Variants in EIF3J observed in about 807,000 individuals in gnomAD.
The protein encoded by EIF3J is eukaryotic translation initiation factor 3 subunit J.
In EIF3J, 15 loss-of-function variants were observed where a neutral mutation model predicts 39.0. The observed-to-expected ratio is 0.38, with a 90% CI of 0.26 to 0.59. The LOEUF (loss-of-function observed/expected upper bound fraction) is 0.59, where lower values mean the gene tolerates loss of function less well. EIF3J is among the 20% of genes least tolerant of loss of function. The pLI, the probability that EIF3J is intolerant of heterozygous loss-of-function variation, is 0.60. For missense variants in EIF3J, 226 were observed against 308.6 expected (o/e 0.73, Z 2.00); for synonymous variants, 98 against 112.9 (o/e 0.87, Z 0.84).
rs77203869 is a variant in EIF3J, at chr15:44,556,231, A to G, written c.410-1258A>G. Among the ~76,000 whole-genome samples, 897 of 152,274 alleles carry G rather than the reference A, an allele frequency of 5.9e-3. 24 individuals are homozygous for G. In the East Asian group the frequency reaches 0.087, roughly 15 times the overall value. The stretch of plus-strand genomic sequence containing the variant: ...CCGCTTAGCTTCTGGAGTTAGACAA[A>G]TACTTTCACAGGATCCATCTTTGTT... On this transcript the variant is annotated intron_variant, in intron 5 of 7. Transcript: ENST00000261868.
At chr15:44,539,098 C>T (rs564020822) in intron 2 of EIF3J, among the ~76,000 whole-genome samples, 34 of 148,102 alleles carry the variant, frequency 2.3e-4, no homozygotes, top group African/African-American at 8.5e-4. Flanking sequence ...GCGATCTTGG[C>T]TCACTGCAAC....
intron 2 of EIF3J, among the ~76,000 whole-genome samples, chr15:44,549,783 A>C (rs1489037628): frequency 1.3e-5 from 2 of 150,186 alleles, no homozygotes; most frequent in Admixed American, 6.6e-5. Context: ...AAAAAAAAAA[A>C]AAAAAAACCA....
chr15:44,552,044 A>G (rs2082103243), intron 4 of EIF3J, among the ~76,000 whole-genome samples: 1 of 151,970 alleles, frequency 6.6e-6, no homozygotes, highest in Admixed American at 6.6e-5. Context: ...GATGGTCTCA[A>G]TCTCCTGACC....
chr15:44,554,194 T>C (rs2082125018), intron 4 of EIF3J, among the ~76,000 whole-genome samples: 1 of 151,956 alleles, frequency 6.6e-6, no homozygotes, highest in South Asian at 2.1e-4. Flanking sequence ...CTGGCCAACA[T>C]GGTGAAACCC....
Position 44,561,005 on chromosome 15 carries a change from CTT to C in EIF3J, c.646-11_646-10del, listed in dbSNP as rs2082189324. 1.2e-6 allele frequency: 2 copies of C among 1,612,316 alleles called. No individual in the cohort carries two copies. The highest frequency in any genetic ancestry group is 2.2e-5 in the South Asian group (2 of 91,006). ...ACACTAAGGTTCATGAATTAACTCT[CTT>C]TCATCTTTAGCAAAGCAAAGCCAAA... On this transcript the variant is annotated splice_polypyrimidine_tract_variant and intron_variant, in intron 7 of 7. Coordinates refer to ENST00000261868, the MANE Select transcript of EIF3J (RefSeq NM_003758.4).
At chr15:44,555,038 G>A (rs2082133006) in intron 5 of EIF3J, among the ~76,000 whole-genome samples, 1 of 152,144 alleles carries the variant, frequency 6.6e-6, no homozygotes, top group Non-Finnish European at 1.5e-5. Flanking sequence ...TTAGACAGTA[G>A]GATGTTGCTC....
chr15:44,540,020 A>G (rs1008697872), intron 2 of EIF3J, among the ~76,000 whole-genome samples: 2 of 147,910 alleles, frequency 1.4e-5, no homozygotes, highest in African/African-American at 4.9e-5. Flanking sequence ...GCTCACTGCA[A>G]CCTCCGCCTC....
At chr15:44,554,456 G>T (rs1313773961) in intron 4 of EIF3J, 97 bp from the exon 5 acceptor site, 284 of 337,968 alleles carry the variant, frequency 8.4e-4, no homozygotes, top group East Asian at 2.1e-3. Flanking sequence ...ACTTTTATTT[G>T]TTATTATATA....
intron 6 of EIF3J, among the ~76,000 whole-genome samples, chr15:44,558,347 T>A (rs1194958888): frequency 6.6e-6 from 1 of 152,156 alleles, no homozygotes; most frequent in Admixed American, 6.5e-5. Flanking sequence ...CTCATGCCTG[T>A]AATCCCAGCA....
rs577533630 is a variant in EIF3J, at chr15:44,562,127, T to C, written c.*978T>C. ...TCCCAAGAGATACTTTTTGAGAGTA[T>C]AGAACACAGCTCTTGGGAGTACAGT... is the stretch of plus-strand genomic sequence containing the variant. On this transcript the variant is annotated 3_prime_UTR_variant, in exon 8 of 8. Transcript: ENST00000261868. The C allele has an allele frequency of 2.6e-5, 4 of 152,766 alleles. No homozygotes were observed. In the South Asian group the frequency reaches 6.2e-4, roughly 24 times the overall value. The allele number at this position is 152,766 out of a possible 1,614,324, so 9.5% of individuals were successfully genotyped here. A position where few individuals can be genotyped will look rare whatever the true frequency, so the allele number is the denominator to read the frequency against.
At chr15:44,558,436 G>A (rs2082162845) in intron 6 of EIF3J, among the ~76,000 whole-genome samples, 1 of 151,972 alleles carries the variant, frequency 6.6e-6, no homozygotes, top group Non-Finnish European at 1.5e-5. Context: ...AGCTGAGGCA[G>A]GAGAATGGCA....
chr15:44,546,249 G>A (rs576788796), intron 2 of EIF3J, among the ~76,000 whole-genome samples: 1 of 152,240 alleles, frequency 6.6e-6, no homozygotes, highest in East Asian at 1.9e-4. Context: ...ATAATGACTA[G>A]CTGGTTTGCT....
chr15:44,538,838 A>G (rs539032679), intron 2 of EIF3J, among the ~76,000 whole-genome samples: 3 of 152,274 alleles, frequency 2.0e-5, no homozygotes, highest in East Asian at 3.9e-4. Context: ...CCATGCATAT[A>G]GGAAGTGGCA....
chr15:44,561,106 G>C lies in EIF3J; in HGVS notation c.734G>C (p.Gly245Ala), dbSNP rs780107725. The change falls in exon 8 of 8, where the codon GGT (glycine) becomes GCT (alanine). Residue 245 changes from glycine (G) to alanine (A), a missense_variant. Transcript: ENST00000261868. ...TMKDDLADYG[G>A]YDGGYVQDYE... is the part of the protein sequence containing the mutation. ...AAAGATGATCTGGCAGATTATGGTG[G>C]TTATGATGGAGGATATGTACAAGAC... 8 of 1,613,524 alleles carry C rather than the reference G, an allele frequency of 5.0e-6. No individual in the cohort carries two copies. The South Asian group carries it at 7.7e-5, about 16-fold the overall frequency.
rs751052025 is a variant in EIF3J, at chr15:44,560,276, C to T, written c.599C>T (p.Thr200Ile). 11 of 1,603,842 alleles carry T rather than the reference C, an allele frequency of 6.9e-6. No individual in the cohort carries two copies. Among genetic ancestry groups the T allele is most frequent in the African/African-American group, 2.7e-5 (2 of 74,278 alleles). Residue 200 changes from threonine (T) to isoleucine (I), a missense_variant, in exon 7 of 8, where the codon ACC becomes ATC. Around this residue, in one of 2 missense-constraint regions of EIF3J, gnomAD observed 83 missense variants for 152.6 expected, o/e 0.54. Coordinates refer to ENST00000261868, the MANE Select transcript of EIF3J (RefSeq NM_003758.4). ...GAAATTGATGACTTGAAAAAAATTA[C>T]CAATTCACTGACTGTGCTTTGCAGT... Reference protein sequence around the residue: ...SLEIDDLKKITNSLTVLCSEK... With the variant: ...SLEIDDLKKIINSLTVLCSEK...
At chr15:44,560,434 A>G in intron 7 of EIF3J, 112 bp downstream of exon 7, 1 of 957,954 alleles carries the variant, frequency 1.0e-6, no homozygotes, top group Non-Finnish European at 1.6e-6. Context: ...GCAACTCACT[A>G]ATACCATTTA....
intron 3 of EIF3J, among the ~76,000 whole-genome samples, 180 bp from the exon 4 acceptor site, chr15:44,551,251 A>AG (rs1394897250): frequency 6.6e-6 from 1 of 152,168 alleles, no homozygotes; most frequent in African/African-American, 2.4e-5. Context: ...TTTGGATCTT[A>AG]GGGGTCACAT....
chr15:44,554,709 C>T (rs777362492), intron 5 of EIF3J, 42 bp downstream of exon 5: 6 of 1,298,642 alleles, frequency 4.6e-6, no homozygotes, highest in Non-Finnish European at 5.4e-6. Flanking sequence ...TAAACTGTTA[C>T]AGGTGAAGAC....
At chr15:44,557,751 C>G in intron 6 of EIF3J, 101 bp downstream of exon 6, 1 of 885,610 alleles carries the variant, frequency 1.1e-6, no homozygotes, top group Non-Finnish European at 1.6e-6. Flanking sequence ...TACTATAATA[C>G]AGACTCATGA....
Sources: gnomAD v4.1 joint callset for allele counts (sites outside exome capture counted in the v4.1 genomes callset) on GRCh38, gnomAD v4.1.1 for gene constraint, gnomAD v4.1.1 regional missense constraint, MANE v1.5 for transcripts, NCBI Gene and HGNC (gene_info 2026-07-23, HGNC 2026-07-21) for gene names.